Variants in TP63 observed in about 807,000 individuals in gnomAD.
The protein encoded by TP63 is tumor protein p63.
A neutral mutation model predicts 82.8 loss-of-function variants in TP63; 17 were observed. The observed-to-expected ratio is 0.21, with a 90% CI of 0.14 to 0.31. TP63 has a LOEUF of 0.31. Ranked by LOEUF, TP63 falls within the 10% of genes least tolerant of loss-of-function variation. The probability of loss-of-function intolerance (pLI) is 1.00; values close to 1 mark genes in which losing one functional copy is unlikely to be tolerated. For synonymous variants in TP63, 330 were observed against 321.7 expected (o/e 1.03, Z -0.28); for missense variants, 648 against 895.3 (o/e 0.72, Z 3.52).
At chr3:189,844,560 G>T (rs1283997816) in intron 4 of TP63, 1 of 158,358 alleles carries the variant, frequency 6.3e-6, no homozygotes, top group South Asian at 1.7e-4. Flanking sequence ...GGGATTACGG[G>T]GGTGAACCAC....
chr3:189,835,173 C>A (rs575670306), intron 4 of TP63, among the ~76,000 whole-genome samples: 2 of 152,042 alleles, frequency 1.3e-5, no homozygotes, highest in Non-Finnish European at 2.9e-5. Context: ...ACTTTATATT[C>A]TCAGATTCTG....
At chr3:189,644,561 C>A (rs545355017) in intron 1 of TP63, among the ~76,000 whole-genome samples, 1 of 152,014 alleles carries the variant, frequency 6.6e-6, no homozygotes, top group Non-Finnish European at 1.5e-5. Context: ...TTTGGGGGAA[C>A]GTGGTTTTTG....
At chr3:189,812,828 T>C (rs1305571455) in intron 4 of TP63, among the ~76,000 whole-genome samples, 1 of 152,226 alleles carries the variant, frequency 6.6e-6, no homozygotes, top group African/African-American at 2.4e-5. Context: ...TACCTTTAGT[T>C]GTACTAAAGG....
chr3:189,715,610 C>T (rs895152817), intron 1 of TP63, among the ~76,000 whole-genome samples: 1 of 152,132 alleles, frequency 6.6e-6, no homozygotes, highest in Non-Finnish European at 1.5e-5. Flanking sequence ...GAGTCTGAAA[C>T]CGTCTCTCTG....
intron 3 of TP63, among the ~76,000 whole-genome samples, chr3:189,769,380 G>A (rs1021288734): frequency 6.6e-6 from 1 of 152,010 alleles, no homozygotes; most frequent in Non-Finnish European, 1.5e-5. Flanking sequence ...TGAGAATATT[G>A]GACAGTAAAA....
At position 189,742,350 on chromosome 3, in the gene TP63, A is replaced by G. The variant is rs945262231; in HGVS notation, c.324+3576A>G. Among the ~76,000 whole-genome samples, 2 of 151,740 alleles carry G rather than the reference A, an allele frequency of 1.3e-5. 1 individual carries two copies. The highest frequency in any genetic ancestry group is 4.8e-5 in the African/African-American group (2 of 41,332). ...ATGTCTTCATGAGGTAGATAATAAT[A>G]TTAACACTTAAAAGTTCTCCCAGAT... On this transcript the variant is annotated intron_variant, in intron 3 of 13. Coordinates refer to ENST00000264731, the MANE Select transcript of TP63 (RefSeq NM_003722.5).
intron 1 of TP63, among the ~76,000 whole-genome samples, chr3:189,680,948 G>A (rs1443794319): frequency 1.3e-5 from 2 of 152,144 alleles, no homozygotes; most frequent in Non-Finnish European, 1.5e-5. Flanking sequence ...CTGGTGCCAG[G>A]GTACACTGGT....
intron 4 of TP63, among the ~76,000 whole-genome samples, chr3:189,821,680 T>C (rs1728810929): frequency 6.6e-6 from 1 of 152,250 alleles, no homozygotes; most frequent in African/African-American, 2.4e-5. Context: ...CATGTGGTTG[T>C]AGGGCATAGA....
intron 1 of TP63, among the ~76,000 whole-genome samples, chr3:189,641,352 G>T (rs999494728): frequency 6.6e-6 from 1 of 152,020 alleles, no homozygotes; most frequent in African/African-American, 2.4e-5. Flanking sequence ...AAATGTCAGA[G>T]CATTTTAGAT....
At chr3:189,752,187 T>C (rs1272463430) in intron 3 of TP63, among the ~76,000 whole-genome samples, 3 of 152,196 alleles carry the variant, frequency 2.0e-5, no homozygotes, top group Non-Finnish European at 2.9e-5. Flanking sequence ...TATCTATTTA[T>C]TTTTTGAGAC....
At chr3:189,848,218 GCCT>G (rs367994163) in intron 4 of TP63, among the ~76,000 whole-genome samples, 3 of 105,384 alleles carry the variant, frequency 2.8e-5, no homozygotes, top group African/African-American at 1.1e-4. Flanking sequence ...TCCTCCCTCT[GCCT>G]CCTCCTCCTC....
intron 4 of TP63, among the ~76,000 whole-genome samples, chr3:189,863,144 G>A (rs1371996432): frequency 6.6e-6 from 1 of 152,158 alleles, no homozygotes; most frequent in Non-Finnish European, 1.5e-5. Context: ...TCCTCTGGGA[G>A]GATGTTGGGG....
chr3:189,635,557 G>A (rs774791423), intron 1 of TP63, among the ~76,000 whole-genome samples: 2 of 152,006 alleles, frequency 1.3e-5, no homozygotes, highest in Non-Finnish European at 2.9e-5. Context: ...TGGAATATTG[G>A]TTTCCCTGGC....
chr3:189,867,790 T>C (rs753751507), intron 6 of TP63, 43 bp from the exon 7 acceptor site: 17 of 1,559,860 alleles, frequency 1.1e-5, no homozygotes, highest in Admixed American at 3.4e-5. Context: ...ACAACGTCAG[T>C]TTAAACCCTT....
At chr3:189,676,794 GCTTTTCAT>G (rs1389605048) in intron 1 of TP63, among the ~76,000 whole-genome samples, 26 of 152,108 alleles carry the variant, frequency 1.7e-4, no homozygotes, top group Admixed American at 3.3e-4. Flanking sequence ...TAGTTTTAAT[GCTTTTCAT>G]GAGAATCTAA....
At chr3:189,837,157 T>G (rs973157912) in intron 4 of TP63, among the ~76,000 whole-genome samples, 3 of 152,170 alleles carry the variant, frequency 2.0e-5, no homozygotes, top group African/African-American at 7.2e-5. Flanking sequence ...GATTTTTGTT[T>G]TGTTTTCCCT....
At chr3:189,709,442 A>G (rs1450484162) in intron 1 of TP63, among the ~76,000 whole-genome samples, 2 of 151,974 alleles carry the variant, frequency 1.3e-5, no homozygotes, top group Non-Finnish European at 2.9e-5. Flanking sequence ...TTTTTCCACT[A>G]TGGAGCCCAC....
intron 1 of TP63, among the ~76,000 whole-genome samples, chr3:189,636,533 G>A (rs1044403917): frequency 1.6e-4 from 25 of 152,018 alleles, no homozygotes; most frequent in African/African-American, 5.3e-4. Flanking sequence ...AAGCAAAACC[G>A]TATGTAACTA....
intron 1 of TP63, among the ~76,000 whole-genome samples, chr3:189,713,392 C>T (rs1226077900): frequency 1.3e-5 from 2 of 152,180 alleles, no homozygotes; most frequent in East Asian, 1.9e-4. Flanking sequence ...TTGATACCAT[C>T]CTCTGGTCCT....
Sources: allele counts gnomAD v4.1 joint callset (sites outside exome capture counted in the v4.1 genomes callset), GRCh38; gene constraint gnomAD v4.1.1; transcripts MANE v1.5; gene names NCBI Gene and HGNC (gene_info 2026-07-23, HGNC 2026-07-21).